The following FAM117B variants were observed in gnomAD, a reference collection of about 807,000 sequenced individuals.
The protein encoded by FAM117B is family with sequence similarity 117 member B, also known as protein FAM117B.
FAM117B carries 22 observed loss-of-function variants against 52.8 expected under a neutral mutation model. The observed-to-expected ratio is 0.42, with a 90% CI of 0.30 to 0.59. FAM117B has a LOEUF of 0.59. Among genes scored for constraint, FAM117B ranks in the 20% least tolerant of loss-of-function variants. The probability of loss-of-function intolerance (pLI) is 0.22; values close to 1 mark genes in which losing one functional copy is unlikely to be tolerated. For missense variants in FAM117B, 678 were observed against 802.6 expected (o/e 0.84, Z 1.88); for synonymous variants, 309 against 324.1 (o/e 0.95, Z 0.50).
intron 4 of FAM117B, among the ~76,000 whole-genome samples, chr2:202,754,609 C>T (rs1000081515): frequency 6.6e-6 from 1 of 151,982 alleles, no homozygotes; most frequent in African/African-American, 2.4e-5. Flanking sequence ...AAAACAGGGG[C>T]TGTGCATGGT....
intron 1 of FAM117B, among the ~76,000 whole-genome samples, chr2:202,669,936 G>A (rs1315912483): frequency 6.6e-6 from 1 of 152,090 alleles, no homozygotes; most frequent in Non-Finnish European, 1.5e-5. Context: ...GATAGATGTG[G>A]CCACAAAAAT....
chr2:202,673,436 T>TTTTTG (rs1690330030), intron 1 of FAM117B, among the ~76,000 whole-genome samples: 1 of 50,702 alleles, frequency 2.0e-5, no homozygotes, highest in Non-Finnish European at 5.0e-5. Flanking sequence ...TTTTTCTGTT[T>TTTTTG]TTTTTTTTTT....
intron 1 of FAM117B, among the ~76,000 whole-genome samples, chr2:202,682,467 G>T (rs1369171178): frequency 6.6e-6 from 1 of 152,200 alleles, no homozygotes; most frequent in Non-Finnish European, 1.5e-5. Flanking sequence ...TCCCCCTCCT[G>T]CGAGGGGTGG....
chr2:202,720,329 CA>C (rs528702467), intron 2 of FAM117B, among the ~76,000 whole-genome samples: 44 of 141,784 alleles, frequency 3.1e-4, no homozygotes, highest in Middle Eastern at 7.1e-3. Flanking sequence ...GTTAAATATA[CA>C]AAAAAAAAAT....
At chr2:202,733,090 G>T (rs1009643633) in intron 4 of FAM117B, among the ~76,000 whole-genome samples, 1 of 152,020 alleles carries the variant, frequency 6.6e-6, no homozygotes, top group Non-Finnish European at 1.5e-5. Context: ...GGCTGCTGGG[G>T]GTGACATCAC....
At chr2:202,670,766 C>T (rs1199556255) in intron 1 of FAM117B, among the ~76,000 whole-genome samples, 2 of 152,192 alleles carry the variant, frequency 1.3e-5, no homozygotes, top group Non-Finnish European at 2.9e-5. Context: ...GAGTCAGTTA[C>T]TGCATCCAGA....
intron 2 of FAM117B, among the ~76,000 whole-genome samples, chr2:202,713,752 G>T (rs770416026): frequency 5.3e-5 from 8 of 152,088 alleles, no homozygotes; most frequent in Non-Finnish European, 1.2e-4. Context: ...TGTTGCTCAG[G>T]TTGGAGTGCA....
In FAM117B at chr2:202,769,755, T is replaced by C. The variant is rs370404950; in HGVS notation, c.*3991T>C. 30 of 152,666 alleles carry C rather than the reference T, an allele frequency of 2.0e-4. 1 individual carries two copies. The South Asian group carries it at 3.5e-3, about 18-fold the overall frequency. 9.5% of individuals were successfully genotyped at this position (152,666 alleles called of 1,614,324 possible). A position where few individuals can be genotyped will look rare whatever the true frequency, so the allele number is the denominator to read the frequency against. ...TGTTAAAAATAAAGTCTGTTCTTCT[T>C]GAGTTTTTTTCTGTGAATTTTTATG... On this transcript the variant is annotated 3_prime_UTR_variant, in exon 8 of 8. Transcript: ENST00000392238.
chr2:202,747,401 T>C (rs966868708), intron 4 of FAM117B, among the ~76,000 whole-genome samples: 1 of 152,058 alleles, frequency 6.6e-6, no homozygotes, highest in African/African-American at 2.4e-5. Flanking sequence ...AGTTATTCAG[T>C]ATAGTACTGG....
chr2:202,755,488 A>G, intron 4 of FAM117B, 50 bp from the exon 5 acceptor site: 1 of 1,589,988 alleles, frequency 6.3e-7, no homozygotes, highest in Non-Finnish European at 8.6e-7. Context: ...TTCAGCCTAG[A>G]AAATTAAAAG....
intron 4 of FAM117B, among the ~76,000 whole-genome samples, chr2:202,754,629 C>G (rs1032621353): frequency 6.6e-6 from 1 of 151,914 alleles, no homozygotes; most frequent in Non-Finnish European, 1.5e-5. Flanking sequence ...TGGCTCACAC[C>G]TGTAATCCCA....
intron 2 of FAM117B, among the ~76,000 whole-genome samples, chr2:202,697,699 A>G (rs1437461222): frequency 1.3e-5 from 2 of 151,180 alleles, no homozygotes; most frequent in Non-Finnish European, 2.9e-5. Context: ...ACAGGCGTGC[A>G]CCACCATTTC....
chr2:202,726,557 A>G (rs1256828478), intron 4 of FAM117B, among the ~76,000 whole-genome samples, 194 bp downstream of exon 4: 1 of 152,222 alleles, frequency 6.6e-6, no homozygotes, highest in Non-Finnish European at 1.5e-5. Flanking sequence ...TTAGTGACCT[A>G]AGATACGACT....
intron 4 of FAM117B, among the ~76,000 whole-genome samples, chr2:202,731,969 A>G (rs962274403): frequency 6.7e-6 from 1 of 149,540 alleles, no homozygotes; most frequent in Admixed American, 6.7e-5. Flanking sequence ...TCCTGACCTC[A>G]GGTGATCTGC....
intron 2 of FAM117B, among the ~76,000 whole-genome samples, chr2:202,712,295 C>T (rs2105782484): frequency 6.6e-6 from 1 of 151,660 alleles, no homozygotes; most frequent in Non-Finnish European, 1.5e-5. Context: ...TTATTTGTAG[C>T]TATTGTAAAT....
intron 1 of FAM117B, among the ~76,000 whole-genome samples, chr2:202,641,997 C>T (rs1311715356): frequency 6.8e-6 from 1 of 146,160 alleles, no homozygotes; most frequent in Non-Finnish European, 1.5e-5. Flanking sequence ...GGCTGGAGTG[C>T]AGTGGTGTGA....
At chr2:202,705,720 G>A (rs916537010) in intron 2 of FAM117B, among the ~76,000 whole-genome samples, 12 of 152,148 alleles carry the variant, frequency 7.9e-5, no homozygotes, top group Admixed American at 2.0e-4. Context: ...TTCCAAAAAC[G>A]TTAGACTAAT....
intron 1 of FAM117B, among the ~76,000 whole-genome samples, chr2:202,680,146 C>T (rs1215645103): frequency 6.6e-6 from 1 of 151,912 alleles, no homozygotes; most frequent in Non-Finnish European, 1.5e-5. Context: ...GTAGAAACCA[C>T]ACAAAAATTG....
intron 1 of FAM117B, among the ~76,000 whole-genome samples, chr2:202,668,137 TA>T (rs935890887): frequency 7.8e-5 from 11 of 140,404 alleles, no homozygotes; most frequent in African/African-American, 2.8e-4. Context: ...ATATATTTTA[TA>T]AAAATATATA....
Sources: allele counts gnomAD v4.1 joint callset (sites outside exome capture counted in the v4.1 genomes callset), GRCh38; gene constraint gnomAD v4.1.1; transcripts MANE v1.5; gene names NCBI Gene and HGNC (gene_info 2026-07-23, HGNC 2026-07-21).